Variants in JARID2 observed in about 807,000 individuals in gnomAD.
JARID2 encodes jumonji and AT-rich interaction domain containing 2, also known as protein Jumonji.
Under a neutral mutation model 125.6 loss-of-function variants are expected in JARID2, and 21 were observed. That is an observed-to-expected ratio of 0.17 (90% confidence interval 0.12 to 0.24). The LOEUF (loss-of-function observed/expected upper bound fraction) is 0.24, where lower values mean the gene tolerates loss of function less well. Among genes scored for constraint, JARID2 ranks in the 10% least tolerant of loss-of-function variants. The pLI is 1.00. For synonymous variants in JARID2, 736 were observed against 661.6 expected (o/e 1.11, Z -1.73); for missense variants, 1,303 against 1,639.6 (o/e 0.79, Z 3.55).
In JARID2 at chr6:15,427,192, CTG is replaced by C. The variant is rs746358097; in HGVS notation, c.323+16829_323+16830del. ...CTTCTGCATAAACCTGCACCACACTCTGTCCTAAGAGTTCAGAGCATGTGAGT... is the reference window on the plus strand; with the variant it reads ...CTTCTGCATAAACCTGCACCACACTCTCCTAAGAGTTCAGAGCATGTGAGT... On this transcript the variant is annotated intron_variant, in intron 3 of 17. Coordinates refer to ENST00000341776, the MANE Select transcript of JARID2 (RefSeq NM_004973.4). Among the ~76,000 whole-genome samples, 6 of 152,192 alleles carry C rather than the reference CTG, an allele frequency of 3.9e-5. No individual in the cohort carries two copies. In the South Asian group the frequency reaches 1.0e-3, roughly 26 times the overall value.
intron 1 of JARID2, among the ~76,000 whole-genome samples, chr6:15,319,481 T>C (rs978515764): frequency 6.6e-6 from 1 of 152,170 alleles, no homozygotes; most frequent in African/African-American, 2.4e-5. Flanking sequence ...CATTGCAACC[T>C]CTGCCTCCCG....
chr6:15,501,332 G>T lies in JARID2; in HGVS notation c.2371G>T (p.Ala791Ser), dbSNP rs887454371. 2 of 1,605,052 alleles carry T rather than the reference G, an allele frequency of 1.2e-6. No individual in the cohort carries two copies. The highest frequency in any genetic ancestry group is 1.1e-5 in the South Asian group (1 of 90,336). Residue 791 changes from alanine to serine, a missense_variant, in exon 8 of 18, where the codon GCT becomes TCT. Ala to Ser is a moderately conservative substitution (Grantham distance 99). Transcript: ENST00000341776. ...QLKTGRRRLF[A>S]QEKEVVKEEE... ...GAAGACTGGCCGGCGGCGACTCTTC[G>T]CTCAGGAAAAAGAAGTGGTCAAGGA...
chr6:15,433,998 GTATGTGCCA>G (rs1767093249), intron 3 of JARID2, among the ~76,000 whole-genome samples: 2 of 150,360 alleles, frequency 1.3e-5, no homozygotes, highest in Non-Finnish European at 3.0e-5. Context: ...TTGAGAATAT[GTATGTGCCA>G]GTGTACTTTA....
chr6:15,296,971 C>CCA (rs1180289744), intron 1 of JARID2, among the ~76,000 whole-genome samples: 4 of 152,214 alleles, frequency 2.6e-5, no homozygotes, highest in Non-Finnish European at 4.4e-5. Flanking sequence ...GTGACTGTCT[C>CCA]CATCCTCAGA....
At chr6:15,455,163 T>C (rs9370814) in intron 4 of JARID2, among the ~76,000 whole-genome samples, 99,809 of 149,842 alleles carry the variant, frequency 0.67, 33,462 homozygotes, top group East Asian at 0.81. Flanking sequence ...TCAGCACTGC[T>C]GCCTTGGCAA....
intron 6 of JARID2, among the ~76,000 whole-genome samples, chr6:15,488,182 G>C (rs1460492756): frequency 6.6e-6 from 1 of 152,208 alleles, no homozygotes; most frequent in Non-Finnish European, 1.5e-5. Context: ...CAGGGCCACA[G>C]ATAATGCCGG....
At chr6:15,392,312 A>G (rs760448004) in intron 2 of JARID2, among the ~76,000 whole-genome samples, 12 of 151,850 alleles carry the variant, frequency 7.9e-5, no homozygotes, top group African/African-American at 2.7e-4. Context: ...TCCAATCTCT[A>G]TTTCCCCTTC....
intron 1 of JARID2, among the ~76,000 whole-genome samples, chr6:15,301,105 C>T (rs929552278): frequency 2.6e-4 from 40 of 152,156 alleles, no homozygotes; most frequent in Admixed American, 2.6e-3. Context: ...TTGTCCATAA[C>T]TATTTCAGAA....
At chr6:15,290,526 T>A (rs182922611) in intron 1 of JARID2, among the ~76,000 whole-genome samples, 1 of 152,354 alleles carries the variant, frequency 6.6e-6, no homozygotes, top group Non-Finnish European at 1.5e-5. Flanking sequence ...CAGCTTGGTA[T>A]TGTCAGCCTG....
At chr6:15,384,710 C>T (rs536693740) in intron 2 of JARID2, among the ~76,000 whole-genome samples, 1 of 152,278 alleles carries the variant, frequency 6.6e-6, no homozygotes, top group Admixed American at 6.5e-5. Flanking sequence ...GCCCCAACCC[C>T]CCGAACTCAA....
chr6:15,290,022 C>G (rs941299536), intron 1 of JARID2, among the ~76,000 whole-genome samples: 1 of 152,154 alleles, frequency 6.6e-6, no homozygotes, highest in Non-Finnish European at 1.5e-5. Context: ...GTATAATTGA[C>G]AGTCAAATGC....
intron 3 of JARID2, among the ~76,000 whole-genome samples, chr6:15,431,171 A>C (rs182776659): frequency 7.9e-5 from 12 of 152,176 alleles, no homozygotes; most frequent in Non-Finnish European, 4.4e-5. Flanking sequence ...GCCTCCTGCA[A>C]TTCAGCCTAA....
At chr6:15,448,122 T>C (rs761840257) in intron 3 of JARID2, among the ~76,000 whole-genome samples, 4 of 152,188 alleles carry the variant, frequency 2.6e-5, no homozygotes, top group Admixed American at 6.5e-5. Flanking sequence ...ATAAAAGATA[T>C]TGGTTTGTCT....
chr6:15,413,021 T>G (rs1346869957), intron 3 of JARID2, among the ~76,000 whole-genome samples: 3 of 74,862 alleles, frequency 4.0e-5, no homozygotes, highest in Non-Finnish European at 8.1e-5. Context: ...TTTTTTTTTT[T>G]TGTTTTTTTT....
At chr6:15,469,589 A>G (rs1768972110) in intron 5 of JARID2, among the ~76,000 whole-genome samples, 1 of 150,436 alleles carries the variant, frequency 6.6e-6, no homozygotes, top group Non-Finnish European at 1.5e-5. Context: ...CCCACGTATT[A>G]CAGACATGAG....
chr6:15,442,135 G>A (rs919093442), intron 3 of JARID2, among the ~76,000 whole-genome samples: 1 of 151,402 alleles, frequency 6.6e-6, no homozygotes, highest in Non-Finnish European at 1.5e-5. Context: ...AAGTAAAACA[G>A]GATTCTCGCC....
chr6:15,411,414 T>A (rs1336045543), intron 3 of JARID2, among the ~76,000 whole-genome samples: 1 of 152,240 alleles, frequency 6.6e-6, no homozygotes, highest in Non-Finnish European at 1.5e-5. Flanking sequence ...GGGTGTCGTC[T>A]TTTAAATAGC....
intron 1 of JARID2, among the ~76,000 whole-genome samples, chr6:15,310,944 C>T (rs773698960): frequency 5.9e-5 from 9 of 152,260 alleles, no homozygotes; most frequent in East Asian, 1.9e-4. Context: ...TGTCTTCTCA[C>T]GGCTGCCTGC....
In JARID2 at chr6:15,334,727, A is replaced by T. The variant is rs1416033141; in HGVS notation, c.46-39390A>T. 2.0e-5 allele frequency among the ~76,000 whole-genome samples: 3 copies of T among 152,196 alleles called. No homozygotes were observed. In the South Asian group the frequency reaches 6.2e-4, roughly 32 times the overall value. Reference sequence around the variant, plus strand: ...ACTGTAATATTTGAGAGAGTGTACAACTCTAGATACAGAAGGCCTTTTGAA... The same window carrying T: ...ACTGTAATATTTGAGAGAGTGTACATCTCTAGATACAGAAGGCCTTTTGAA... On this transcript the variant is annotated intron_variant, in intron 1 of 17. Transcript: ENST00000341776.
Sources: gnomAD v4.1 joint callset for allele counts (sites outside exome capture counted in the v4.1 genomes callset) on GRCh38, gnomAD v4.1.1 for gene constraint, MANE v1.5 for transcripts, NCBI Gene and HGNC (gene_info 2026-07-23, HGNC 2026-07-21) for gene names.